Variants in MAF observed in about 807,000 individuals in gnomAD.
MAF encodes the protein transcription factor Maf.
MAF carries 10 observed loss-of-function variants against 22.0 expected under a neutral mutation model. The observed-to-expected ratio is 0.45, with a 90% confidence interval of 0.28 to 0.77. MAF has a LOEUF of 0.77. Ranked by LOEUF, MAF falls within the 30% of genes least tolerant of loss-of-function variation. The pLI is 0.12. For missense variants in MAF, 544 were observed against 548.4 expected, an observed-to-expected ratio of 0.99 and a Z score of 0.08; for synonymous variants, 337 against 255.8, an observed-to-expected ratio of 1.32 and a Z score of -3.03.
At chr16:79,212,171 C>T in the MAF span, 1 of 1,482,454 alleles carries the variant, frequency 6.7e-7, no homozygotes, top group Non-Finnish European at 8.9e-7. Flanking sequence ...CCACGGCCAC[C>T]ACTGCAGCCG....
the MAF span, among the ~76,000 whole-genome samples, chr16:79,489,793 A>T: frequency 2.0e-3 from 308 of 152,272 alleles, 3 homozygotes; most frequent in African/African-American, 7.1e-3. Flanking sequence ...CTGGTAGGAG[A>T]CAGAGGGCCA....
chr16:79,409,181 T>C, the MAF span, among the ~76,000 whole-genome samples: 2 of 152,178 alleles, frequency 1.3e-5, no homozygotes, highest in Non-Finnish European at 2.9e-5. Context: ...GCCTTATAAA[T>C]TGGGCTTGTA....
the MAF span, among the ~76,000 whole-genome samples, chr16:79,539,843 C>A: frequency 7.9e-5 from 12 of 152,164 alleles, no homozygotes; most frequent in African/African-American, 1.9e-4. Context: ...GGCATGTGTG[C>A]ATTGAAAATC....
chr16:79,281,228 A>AC, the MAF span, among the ~76,000 whole-genome samples: 1 of 151,668 alleles, frequency 6.6e-6, no homozygotes, highest in Non-Finnish European at 1.5e-5. Flanking sequence ...CAATATGAAA[A>AC]AAAAAAAAAG....
the MAF span, among the ~76,000 whole-genome samples, chr16:79,329,527 T>G: frequency 6.6e-6 from 1 of 152,104 alleles, no homozygotes; most frequent in Non-Finnish European, 1.5e-5. Flanking sequence ...AATCTCCGTC[T>G]AGAGTCCCCC....
At chr16:79,290,837 C>T in the MAF span, among the ~76,000 whole-genome samples, 12 of 151,992 alleles carry the variant, frequency 7.9e-5, no homozygotes, top group South Asian at 2.1e-4. Context: ...TGAGGCTGGT[C>T]CTCCATGAGA....
the MAF span, among the ~76,000 whole-genome samples, chr16:79,330,668 A>G: frequency 6.6e-6 from 1 of 152,222 alleles, no homozygotes; most frequent in South Asian, 2.1e-4. Context: ...AGTCATCAAA[A>G]CAGCTCCCCT....
the MAF span, among the ~76,000 whole-genome samples, chr16:79,431,814 G>A: frequency 6.6e-6 from 1 of 152,300 alleles, no homozygotes; most frequent in East Asian, 1.9e-4. Flanking sequence ...GATCCTGAGA[G>A]GGAATCACAA....
chr16:79,475,144 G>A, the MAF span, among the ~76,000 whole-genome samples: 1 of 152,030 alleles, frequency 6.6e-6, no homozygotes. Flanking sequence ...TTGCCTTTGT[G>A]GCATCTCATA....
the MAF span, among the ~76,000 whole-genome samples, chr16:79,528,116 T>A: frequency 2.6e-5 from 4 of 152,156 alleles, no homozygotes; most frequent in African/African-American, 9.7e-5. Flanking sequence ...CATGCCAGCC[T>A]GGGCAACAGA....
chr16:79,453,787 G>T, the MAF span, among the ~76,000 whole-genome samples: 2 of 152,194 alleles, frequency 1.3e-5, no homozygotes, highest in Non-Finnish European at 2.9e-5. Context: ...ATTTATTGGA[G>T]ACTGGCTTTG....
chr16:79,331,378 G>C, the MAF span, among the ~76,000 whole-genome samples: 1 of 152,188 alleles, frequency 6.6e-6, no homozygotes, highest in Non-Finnish European at 1.5e-5. Flanking sequence ...TAGGGCATCA[G>C]AGTCATTCCA....
the MAF span, among the ~76,000 whole-genome samples, chr16:79,520,386 A>G: frequency 1.3e-5 from 2 of 152,128 alleles, no homozygotes; most frequent in East Asian, 3.9e-4. Context: ...CCTCCTTCTC[A>G]TCACCAGGAG....
the MAF span, among the ~76,000 whole-genome samples, chr16:79,490,465 A>C: frequency 3.3e-5 from 5 of 152,238 alleles, no homozygotes; most frequent in Admixed American, 3.3e-4. Context: ...CTCTGGTTTT[A>C]ATTAGATAAA....
chr16:79,218,770 A>G, the MAF span, among the ~76,000 whole-genome samples: 2 of 152,228 alleles, frequency 1.3e-5, no homozygotes, highest in African/African-American at 4.8e-5. Flanking sequence ...GTCTACATTC[A>G]GTTTGGGCAG....
the MAF span, among the ~76,000 whole-genome samples, chr16:79,528,237 T>C: frequency 2.0e-4 from 31 of 152,276 alleles, no homozygotes; most frequent in Middle Eastern, 3.4e-3. Flanking sequence ...TTCTTGGCCA[T>C]GTCTAACTCC....
the MAF span, among the ~76,000 whole-genome samples, chr16:79,549,010 T>C: frequency 6.6e-6 from 1 of 152,134 alleles, no homozygotes; most frequent in African/African-American, 2.4e-5. Flanking sequence ...ATCGTTACTC[T>C]CCCCCTTACT....
the MAF span, among the ~76,000 whole-genome samples, chr16:79,363,078 G>C: frequency 6.6e-6 from 1 of 152,056 alleles, no homozygotes; most frequent in Non-Finnish European, 1.5e-5. Context: ...CCTAAAAGGG[G>C]GGGAACATGC....
the MAF span, among the ~76,000 whole-genome samples, chr16:79,507,994 G>C: frequency 6.6e-6 from 1 of 152,216 alleles, no homozygotes; most frequent in South Asian, 2.1e-4. Flanking sequence ...CAGTCCTGCA[G>C]TGTGAGAGGA....
Sources: allele counts gnomAD v4.1 joint callset (sites outside exome capture counted in the v4.1 genomes callset), GRCh38; gene constraint gnomAD v4.1.1; transcripts MANE v1.5; gene names NCBI Gene and HGNC (gene_info 2026-07-23, HGNC 2026-07-21).